DNAI1: variants seen among roughly 807,000 people sequenced by gnomAD.
DNAI1 encodes dynein axonemal intermediate chain 1, also known as dynein, axonemal, intermediate polypeptide 1.
DNAI1 carries 67 observed loss-of-function variants against 92.0 expected under a neutral mutation model. The ratio of observed to expected loss-of-function variants is 0.73; its 90% CI spans 0.60 to 0.89. DNAI1 has a LOEUF of 0.89. Among genes scored for constraint, DNAI1 ranks in the 40% least tolerant of loss-of-function variants. DNAI1 has a pLI of 0.00. For synonymous variants in DNAI1, 323 were observed against 319.6 expected, an observed-to-expected ratio of 1.01 and a Z score of -0.11; for missense variants, 839 against 866.6, an observed-to-expected ratio of 0.97 and a Z score of 0.40.
At position 34,474,770 on chromosome 9, in the gene DNAI1, T is replaced by C. The variant is rs546437653; in HGVS notation, c.49-8678T>C. Among the ~76,000 whole-genome samples, 11 of 152,124 alleles carry C rather than the reference T, an allele frequency of 7.2e-5. No individual in the cohort carries two copies. In the South Asian group the frequency reaches 1.7e-3, roughly 23 times the overall value. ...TTTTAGTAGAGACAGGGTTTCACCATGTTGGTCAGGCTGGTCTCGAACTTC... is the reference window on the plus strand; with the variant it reads ...TTTTAGTAGAGACAGGGTTTCACCACGTTGGTCAGGCTGGTCTCGAACTTC... On this transcript the variant is annotated intron_variant, in intron 1 of 19. Coordinates refer to ENST00000242317, the MANE Select transcript of DNAI1 (RefSeq NM_012144.4).
intron 1 of DNAI1, among the ~76,000 whole-genome samples, chr9:34,469,504 T>G (rs752735293): frequency 6.6e-6 from 1 of 151,994 alleles, no homozygotes; most frequent in Non-Finnish European, 1.5e-5. Flanking sequence ...TGGGATCAAG[T>G]GATCCTCCTG....
intron 13 of DNAI1, among the ~76,000 whole-genome samples, chr9:34,508,433 G>T (rs1824985788): frequency 1.3e-5 from 2 of 152,214 alleles, no homozygotes; most frequent in African/African-American, 4.8e-5. Context: ...AGCCTCAGGA[G>T]TTTTCTCCAC....
At chr9:34,520,610 A>C in intron 19 of DNAI1, 48 bp from the exon 20 acceptor site, 1 of 1,514,870 alleles carries the variant, frequency 6.6e-7, no homozygotes, top group Non-Finnish European at 9.0e-7. Context: ...GGACCCAGAG[A>C]GGGGGGGCCC....
chr9:34,463,645 T>C (rs1823988192), intron 1 of DNAI1, among the ~76,000 whole-genome samples: 1 of 152,222 alleles, frequency 6.6e-6, no homozygotes, highest in Non-Finnish European at 1.5e-5. Context: ...CAAATTTTAG[T>C]ACCTCTTTAT....
chr9:34,474,328 G>A (rs1330341316), intron 1 of DNAI1, among the ~76,000 whole-genome samples: 9 of 151,138 alleles, frequency 6.0e-5, no homozygotes, highest in African/African-American at 1.2e-4. Flanking sequence ...TCTACCTCCC[G>A]GGCTCAAGGG....
chr9:34,466,633 G>C (rs1169729903), intron 1 of DNAI1, among the ~76,000 whole-genome samples: 1 of 152,150 alleles, frequency 6.6e-6, no homozygotes, highest in East Asian at 1.9e-4. Flanking sequence ...GAAGGGAGAA[G>C]GTATATATGT....
intron 12 of DNAI1, 108 bp downstream of exon 12, chr9:34,501,289 C>A: frequency 2.1e-6 from 2 of 939,502 alleles, no homozygotes; most frequent in South Asian, 1.3e-5. Context: ...GATGACTGCC[C>A]GCAGGGGGCT....
intron 4 of DNAI1, among the ~76,000 whole-genome samples, chr9:34,486,436 T>C (rs897206172): frequency 1.2e-4 from 18 of 152,200 alleles, no homozygotes; most frequent in Non-Finnish European, 2.4e-4. Flanking sequence ...AACATTACAT[T>C]GCTTCTTTAA....
Position 34,493,340 on chromosome 9 carries a change from G to A in DNAI1, c.816+12G>A, listed in dbSNP as rs367663319. 8.7e-6 allele frequency: 14 copies of A among 1,614,048 alleles called. No homozygotes were observed. The African/African-American group carries it at 9.3e-5, about 11-fold the overall frequency. On this transcript the variant is annotated intron_variant, in intron 9 of 19. Transcript: ENST00000242317. ...CTATGGAGTCTCAGGTTTGGTGTTA[G>A]TTCCTACAGCTCTGCCACAGAATTT... is the stretch of plus-strand genomic sequence containing the variant.
intron 19 of DNAI1, among the ~76,000 whole-genome samples, chr9:34,520,185 G>C (rs987768928): frequency 1.3e-5 from 2 of 152,142 alleles, no homozygotes; most frequent in Non-Finnish European, 2.9e-5. Context: ...TCAGGTGAGA[G>C]GACTAGGTGA....
chr9:34,459,169 A>G (rs1277199421), intron 1 of DNAI1, 116 bp downstream of exon 1: 1 of 985,238 alleles, frequency 1.0e-6, no homozygotes, highest in Non-Finnish European at 1.6e-6. Context: ...CAGCCTTCTC[A>G]CCCCCGTGAC....
intron 1 of DNAI1, among the ~76,000 whole-genome samples, chr9:34,467,704 C>T (rs1235434985): frequency 4.6e-5 from 7 of 151,244 alleles, no homozygotes; most frequent in Non-Finnish European, 1.0e-4. Context: ...GATTTATATT[C>T]TGGCCATGGT....
intron 1 of DNAI1, among the ~76,000 whole-genome samples, chr9:34,482,292 CAG>C (rs1205296340): frequency 8.7e-5 from 13 of 149,200 alleles, no homozygotes; most frequent in African/African-American, 2.0e-4. Context: ...CAGCTAGATA[CAG>C]AGTGTCGATT....
chr9:34,515,881 A>C (rs1825162931), intron 18 of DNAI1, among the ~76,000 whole-genome samples: 1 of 152,254 alleles, frequency 6.6e-6, no homozygotes. Flanking sequence ...ACTAACACCA[A>C]GAATTTGATG....
Position 34,482,686 on chromosome 9 carries a change from G to A in DNAI1, c.49-762G>A, listed in dbSNP as rs376337295. Reference sequence around the variant, plus strand: ...CTCCACGTCCCCACCAGACTTAGGAGCCCACCTGGCTTCACCTAGTGGATC... The same window carrying A: ...CTCCACGTCCCCACCAGACTTAGGAACCCACCTGGCTTCACCTAGTGGATC... On this transcript the variant is annotated intron_variant, in intron 1 of 19. Coordinates refer to ENST00000242317, the MANE Select transcript of DNAI1 (RefSeq NM_012144.4). 7.2e-5 allele frequency among the ~76,000 whole-genome samples: 11 copies of A among 152,394 alleles called. No individual in the cohort carries two copies. In the East Asian group the frequency reaches 1.9e-3, roughly 27 times the overall value.
chr9:34,461,213 G>A (rs964743975), intron 1 of DNAI1, among the ~76,000 whole-genome samples: 24 of 152,160 alleles, frequency 1.6e-4, no homozygotes, highest in African/African-American at 5.3e-4. Context: ...CTGACCTCAG[G>A]TGATCCACAG....
At chr9:34,473,275 T>TATTATTA (rs1199482089) in intron 1 of DNAI1, among the ~76,000 whole-genome samples, 1 of 96,814 alleles carries the variant, frequency 1.0e-5, no homozygotes, top group Non-Finnish European at 2.0e-5. Context: ...AAATCAAGCT[T>TATTATTA]ATTATTATTA....
intron 12 of DNAI1, among the ~76,000 whole-genome samples, chr9:34,505,752 G>A (rs1252227920): frequency 6.6e-6 from 1 of 152,148 alleles, no homozygotes; most frequent in Non-Finnish European, 1.5e-5. Flanking sequence ...CCACTGACCT[G>A]GCCTGATGCC....
chr9:34,471,636 G>C (rs1483012103), intron 1 of DNAI1, among the ~76,000 whole-genome samples: 4 of 152,046 alleles, frequency 2.6e-5, no homozygotes, highest in African/African-American at 4.8e-5. Context: ...CAGGCGTGGT[G>C]GTGGGCACCT....
Sources: allele counts gnomAD v4.1 joint callset (sites outside exome capture counted in the v4.1 genomes callset), GRCh38; gene constraint gnomAD v4.1.1; transcripts MANE v1.5; gene names NCBI Gene and HGNC (gene_info 2026-07-23, HGNC 2026-07-21).